Variants in USP15 observed in about 807,000 individuals in gnomAD.
USP15 encodes the protein ubiquitin carboxyl-terminal hydrolase 15.
Under a neutral mutation model 127.1 loss-of-function variants are expected in USP15, and 18 were observed. The ratio of observed to expected loss-of-function variants is 0.14; its 90% CI spans 0.10 to 0.21. The LOEUF is 0.21. Ranked by LOEUF, USP15 falls within the 10% of genes least tolerant of loss-of-function variation. The pLI, the probability that USP15 is intolerant of heterozygous loss-of-function variation, is 1.00. For missense variants in USP15, 805 were observed against 1,159.9 expected (o/e 0.69, Z 4.44); for synonymous variants, 364 against 393.7 (o/e 0.92, Z 0.89).
In USP15 at chr12:62,297,303, G is replaced by C. The variant is rs569081798; in HGVS notation, c.217+2997G>C. ...CTTCCAAGGAAGAGGAAAAGGAGTG[G>C]AGTGTACCCCCAGTGTTCCAGTCTT... On this transcript the variant is annotated intron_variant, in intron 2 of 21. Coordinates refer to ENST00000280377, the MANE Select transcript of USP15 (RefSeq NM_001252078.2). Among the ~76,000 whole-genome samples, 26 of 152,282 alleles carry C rather than the reference G, an allele frequency of 1.7e-4. No homozygotes were observed. In the East Asian group the frequency reaches 4.8e-3, roughly 28 times the overall value.
intron 11 of USP15, among the ~76,000 whole-genome samples, chr12:62,386,004 G>A (rs1284056255): frequency 1.3e-5 from 2 of 151,900 alleles, no homozygotes; most frequent in South Asian, 2.1e-4. Context: ...TAGTCCATAA[G>A]GTATATGATA....
chr12:62,271,184 A>T (rs903208825), intron 1 of USP15, among the ~76,000 whole-genome samples: 3 of 152,078 alleles, frequency 2.0e-5, no homozygotes, highest in Middle Eastern at 3.2e-3. Flanking sequence ...GGCTAAACTC[A>T]CATTAATCCT....
In USP15 at chr12:62,408,993, AG is replaced by A. The variant is rs747273824; in HGVS notation, c.*4620del. The A allele has an allele frequency of 3.3e-5, 5 of 152,194 alleles. No individual in the cohort carries two copies. Among genetic ancestry groups the A allele is most frequent in the East Asian group, 3.8e-4 (2 of 5,204 alleles). 9.4% of individuals were successfully genotyped at this position (152,194 alleles called of 1,614,324 possible). ...CAAAATTTTATAAGCTGCATAGAAT[AG>A]GCTTTAAAATATCAGAATTAGGAAA... On this transcript the variant is annotated 3_prime_UTR_variant, in exon 22 of 22. Coordinates refer to ENST00000280377, the MANE Select transcript of USP15 (RefSeq NM_001252078.2).
At chr12:62,288,411 T>G (rs930977966) in intron 1 of USP15, among the ~76,000 whole-genome samples, 1 of 150,304 alleles carries the variant, frequency 6.7e-6, no homozygotes, top group East Asian at 2.0e-4. Context: ...CTCAGCTCGA[T>G]TGTTACTAGT....
chr12:62,296,642 G>A (rs576546758), intron 2 of USP15, among the ~76,000 whole-genome samples: 53 of 152,262 alleles, frequency 3.5e-4, no homozygotes, highest in Middle Eastern at 3.4e-3. Flanking sequence ...AAACACTGAA[G>A]TAACAATGGA....
intron 8 of USP15, among the ~76,000 whole-genome samples, chr12:62,380,301 C>T (rs7970028): frequency 0.11 from 15,997 of 151,570 alleles, 897 homozygotes; most frequent in Middle Eastern, 0.17. Flanking sequence ...TAATTGAAAC[C>T]ACAAAATTGA....
intron 2 of USP15, among the ~76,000 whole-genome samples, chr12:62,296,178 T>TTGTG (rs2064121576): frequency 6.6e-6 from 1 of 152,170 alleles, no homozygotes; most frequent in South Asian, 2.1e-4. Flanking sequence ...CATGAGTAAC[T>TTGTG]GAATTCTGCC....
rs976526206 is a variant in USP15, at chr12:62,407,522, T to A, written c.*3147T>A. On this transcript the variant is annotated 3_prime_UTR_variant, in exon 22 of 22. Coordinates refer to ENST00000280377, the MANE Select transcript of USP15 (RefSeq NM_001252078.2). Reference sequence around the variant, plus strand: ...TTTAGCTCAGTATTCGAGCATTGAATAAGAAAGTACCCACTGGAATATTGA... The same window carrying A: ...TTTAGCTCAGTATTCGAGCATTGAAAAAGAAAGTACCCACTGGAATATTGA... 4 of 152,242 alleles carry A rather than the reference T, an allele frequency of 2.6e-5. No homozygotes were observed. Among genetic ancestry groups the A allele is most frequent in the African/African-American group, 9.6e-5 (4 of 41,460 alleles). The allele number at this position is 152,242 out of a possible 1,614,324, so 9.4% of individuals were successfully genotyped here.
intron 6 of USP15, among the ~76,000 whole-genome samples, chr12:62,329,120 G>A (rs992360530): frequency 3.3e-5 from 5 of 151,898 alleles, no homozygotes; most frequent in African/African-American, 9.7e-5. Flanking sequence ...AGTAGGCTGG[G>A]CATGGTGGCT....
intron 8 of USP15, among the ~76,000 whole-genome samples, chr12:62,369,947 T>G (rs1388994419): frequency 6.6e-6 from 1 of 152,128 alleles, no homozygotes; most frequent in African/African-American, 2.4e-5. Context: ...TGAGACCTGT[T>G]CCCTTGTTTA....
chr12:62,295,466 C>G (rs902923476), intron 2 of USP15, among the ~76,000 whole-genome samples: 6 of 152,072 alleles, frequency 3.9e-5, no homozygotes, highest in Non-Finnish European at 7.4e-5. Flanking sequence ...ATCCAGCATA[C>G]AAAAATGTAA....
chr12:62,296,372 C>A (rs1160786659), intron 2 of USP15, among the ~76,000 whole-genome samples: 1 of 152,138 alleles, frequency 6.6e-6, no homozygotes, highest in Non-Finnish European at 1.5e-5. Flanking sequence ...TATGGTAATT[C>A]ATTATGTAAC....
intron 8 of USP15, among the ~76,000 whole-genome samples, chr12:62,379,883 A>G (rs1378415515): frequency 6.6e-6 from 1 of 152,074 alleles, no homozygotes; most frequent in African/African-American, 2.4e-5. Flanking sequence ...AAAAGGACAT[A>G]TAATACAAAG....
chr12:62,349,244 C>A lies in USP15; in HGVS notation c.707C>A (p.Ser236Ter). Residue 236 changes from serine (S) to a stop codon, truncating the protein, a stop_gained, in exon 7 of 22, where the codon TCA (serine) becomes TAA (stop). Coordinates refer to ENST00000280377, the MANE Select transcript of USP15 (RefSeq NM_001252078.2). LOFTEE classifies it high-confidence loss of function. ...AGGTCCCCAGGTGCATCCAATTTTT[C>A]AACTTTACCAAAGATCTCTCCTTCA... Reference protein sequence around the residue: ...TPKSPGASNFSTLPKISPSSL... With the variant: ...TPKSPGASNF The A allele has an allele frequency of 6.7e-7, 1 of 1,503,306 alleles. No homozygotes were observed. Among genetic ancestry groups the A allele is most frequent in the Non-Finnish European group, 8.8e-7 (1 of 1,130,272 alleles). The allele number at this position is 1,503,306 out of a possible 1,614,324, so 93.1% of individuals were successfully genotyped here. A position where few individuals can be genotyped will look rare whatever the true frequency, so the allele number is the denominator to read the frequency against.
chr12:62,398,034 C>T (rs2067551908), intron 20 of USP15, among the ~76,000 whole-genome samples: 1 of 151,054 alleles, frequency 6.6e-6, no homozygotes, highest in Non-Finnish European at 1.5e-5. Context: ...TCTCTGTCAC[C>T]AGGCTGGAGT....
intron 1 of USP15, among the ~76,000 whole-genome samples, chr12:62,275,779 A>G (rs2063476221): frequency 6.6e-6 from 1 of 152,130 alleles, no homozygotes; most frequent in African/African-American, 2.4e-5. Context: ...CTGATACGTA[A>G]GGGAATCAGG....
intron 7 of USP15, among the ~76,000 whole-genome samples, chr12:62,349,845 G>T (rs1461236005): frequency 6.6e-6 from 1 of 151,844 alleles, no homozygotes; most frequent in Admixed American, 6.6e-5. Context: ...AAAAACAGTT[G>T]AAAGTCAAGG....
In USP15 at chr12:62,405,846, G is replaced by C. The variant is rs1397032557; in HGVS notation, c.*1471G>C. The C allele has an allele frequency of 2.6e-5, 4 of 152,466 alleles. No homozygotes were observed. In the East Asian group the frequency reaches 7.7e-4, roughly 29 times the overall value. The allele number at this position is 152,466 out of a possible 1,614,324, so 9.4% of individuals were successfully genotyped here. On this transcript the variant is annotated 3_prime_UTR_variant, in exon 22 of 22. Transcript: ENST00000280377. ...TTTGGTAAATTATTTATTTATGTTA[G>C]CATTTAAAAGTTTAAAAAAAATGCA...
chr12:62,348,518 T>G (rs1033092261), intron 6 of USP15, among the ~76,000 whole-genome samples: 4 of 152,186 alleles, frequency 2.6e-5, no homozygotes, highest in African/African-American at 9.6e-5. Flanking sequence ...TAAAATAACA[T>G]GTTTACAAAA....
Sources: allele counts gnomAD v4.1 joint callset (sites outside exome capture counted in the v4.1 genomes callset), GRCh38; gene constraint gnomAD v4.1.1; transcripts MANE v1.5; gene names NCBI Gene and HGNC (gene_info 2026-07-23, HGNC 2026-07-21).